STOX2: variants seen among roughly 807,000 people sequenced by gnomAD.
STOX2 encodes storkhead box 2.
Under a neutral mutation model 60.9 loss-of-function variants are expected in STOX2, and 28 were observed. The ratio of observed to expected loss-of-function variants is 0.46; its 90% CI spans 0.34 to 0.63. The LOEUF (loss-of-function observed/expected upper bound fraction) is 0.63, where lower values mean the gene tolerates loss of function less well. Among genes scored for constraint, STOX2 ranks in the 30% least tolerant of loss-of-function variants. The pLI is 0.01. For synonymous variants in STOX2, 472 were observed against 463.9 expected, an observed-to-expected ratio of 1.02 and a Z score of -0.22; for missense variants, 1,024 against 1,187.7, an observed-to-expected ratio of 0.86 and a Z score of 2.03.
chr4:184,004,371 G>A (rs1051816654), intron 2 of STOX2, among the ~76,000 whole-genome samples: 2 of 152,204 alleles, frequency 1.3e-5, no homozygotes, highest in East Asian at 1.9e-4. Context: ...AGGCCGAGGC[G>A]GGCGGATCAC....
At chr4:183,969,056 G>A (rs1169392147) in intron 1 of STOX2, among the ~76,000 whole-genome samples, 2 of 152,304 alleles carry the variant, frequency 1.3e-5, no homozygotes, top group East Asian at 3.9e-4. Flanking sequence ...ATGAGGTGTG[G>A]AACTTTAAAG....
intron 1 of STOX2, among the ~76,000 whole-genome samples, chr4:183,847,076 A>AG (rs1740006393): frequency 6.6e-6 from 1 of 152,218 alleles, no homozygotes; most frequent in Non-Finnish European, 1.5e-5. Context: ...AACAGAAAAA[A>AG]GAATCAGAGA....
rs188672306 is a variant in STOX2, at chr4:183,819,427, C to G, written c.364+21372C>G. Among the ~76,000 whole-genome samples the G allele has an allele frequency of 1.8e-3, 270 of 151,964 alleles. 1 individual carries two copies. Among genetic ancestry groups the G allele is most frequent in the Non-Finnish European group, 3.2e-3 (216 of 67,956 alleles). On this transcript the variant is annotated intron_variant, in intron 1 of 2. Transcript: ENST00000513034. ...AGGCATGGCGGCGCGCGCCCACAAT[C>G]GCAGGCACTGGGCAGGTTGAGGCAG...
chr4:183,907,628 A>C lies in STOX2; in HGVS notation c.166+672A>C, dbSNP rs201781374. The stretch of plus-strand genomic sequence containing the variant: ...GACAGGAGGGACAAACAAAACGGTA[A>C]ATGGAAAGGGAAGGCTTCAAAAAAG... On this transcript the variant is annotated intron_variant, in intron 1 of 3. Coordinates refer to ENST00000308497, the MANE Select transcript of STOX2 (RefSeq NM_020225.3). Among the ~76,000 whole-genome samples the C allele has an allele frequency of 5.3e-5, 8 of 152,296 alleles. No individual in the cohort carries two copies. In the East Asian group the frequency reaches 1.2e-3, roughly 22 times the overall value.
At chr4:183,877,554 G>T (rs746267057) in intron 1 of STOX2, among the ~76,000 whole-genome samples, 1 of 152,206 alleles carries the variant, frequency 6.6e-6, no homozygotes, top group African/African-American at 2.4e-5. Flanking sequence ...TGCATGCTCT[G>T]TATGCGTGCT....
chr4:183,862,332 C>A (rs1286200589), intron 1 of STOX2, among the ~76,000 whole-genome samples: 3 of 152,116 alleles, frequency 2.0e-5, no homozygotes, highest in Non-Finnish European at 4.4e-5. Context: ...CATGCCATCA[C>A]CCCTAGCTAA....
chr4:183,959,328 C>T (rs1411965936), intron 1 of STOX2, among the ~76,000 whole-genome samples: 1 of 151,874 alleles, frequency 6.6e-6, no homozygotes, highest in East Asian at 1.9e-4. Flanking sequence ...TAACTCAGGG[C>T]GGAAGGGGGG....
chr4:183,908,595 T>TTTTG (rs1553973322), intron 1 of STOX2, among the ~76,000 whole-genome samples: 3 of 148,070 alleles, frequency 2.0e-5, no homozygotes, highest in Non-Finnish European at 4.5e-5. Flanking sequence ...GCAGCCAGTT[T>TTTTG]TTTTTTTTTT....
At chr4:183,973,067 GA>G (rs11335791) in intron 1 of STOX2, among the ~76,000 whole-genome samples, 9,975 of 149,880 alleles carry the variant, frequency 0.067, 481 homozygotes, top group African/African-American at 0.14. Context: ...GAAAAAGATT[GA>G]AAAAAAAATA....
intron 1 of STOX2, among the ~76,000 whole-genome samples, chr4:183,850,819 G>GGAAAGGTTGAGA (rs1740100495): frequency 4.0e-5 from 6 of 151,574 alleles, no homozygotes; most frequent in Admixed American, 1.3e-4. Context: ...AAAGGATGAG[G>GGAAAGGTTGAGA]GAAAGGATGA....
At chr4:183,962,075 T>C (rs1185871757) in intron 1 of STOX2, among the ~76,000 whole-genome samples, 2 of 152,378 alleles carry the variant, frequency 1.3e-5, no homozygotes, top group East Asian at 3.9e-4. Context: ...TTCATTTCTC[T>C]GGCAGATGGG....
At chr4:183,884,465 C>T (rs905763292) in intron 1 of STOX2, among the ~76,000 whole-genome samples, 3 of 152,122 alleles carry the variant, frequency 2.0e-5, no homozygotes, top group Non-Finnish European at 2.9e-5. Flanking sequence ...TGGTGAGACC[C>T]TGTCTCTGTT....
chr4:183,861,727 GC>G (rs1177804435), intron 1 of STOX2, among the ~76,000 whole-genome samples: 1 of 152,192 alleles, frequency 6.6e-6, no homozygotes. Context: ...GCCTCGCAGG[GC>G]GTAGGGCTCA....
intron 1 of STOX2, among the ~76,000 whole-genome samples, chr4:183,951,242 A>G (rs1453531822): frequency 6.7e-6 from 1 of 148,286 alleles, no homozygotes. Context: ...AAAAAAAGAC[A>G]GTAGTGCAAA....
intron 1 of STOX2, among the ~76,000 whole-genome samples, chr4:183,849,849 C>T (rs1740074397): frequency 6.6e-6 from 1 of 152,192 alleles, no homozygotes; most frequent in Non-Finnish European, 1.5e-5. Context: ...TTTTATTGCC[C>T]CATGATTTTT....
In STOX2 at chr4:184,016,954, G is replaced by T; in HGVS notation, c.2586-135G>T. On this transcript the variant is annotated intron_variant, in intron 3 of 3. Transcript: ENST00000308497. ...GAGAGGCAGATGTGAATAATCAGTCGAGATGTATATTGATATGACATTATG... is the reference window on the plus strand; with the variant it reads ...GAGAGGCAGATGTGAATAATCAGTCTAGATGTATATTGATATGACATTATG... The T allele has an allele frequency of 4.3e-6, 3 of 693,616 alleles. No individual in the cohort carries two copies. In the South Asian group the frequency reaches 6.5e-5, roughly 15 times the overall value. The allele number at this position is 693,616 out of a possible 1,614,324, so 43.0% of individuals were successfully genotyped here.
At chr4:183,880,904 T>C (rs550208257) in intron 1 of STOX2, among the ~76,000 whole-genome samples, 8 of 152,274 alleles carry the variant, frequency 5.3e-5, no homozygotes, top group African/African-American at 1.9e-4. Flanking sequence ...AAGGAGGAAA[T>C]TTTTTCAAGA....
chr4:183,868,326 C>T (rs1415659044), intron 1 of STOX2, among the ~76,000 whole-genome samples: 11 of 151,694 alleles, frequency 7.3e-5, no homozygotes, highest in Non-Finnish European at 7.4e-5. Flanking sequence ...TGTGGGAGGC[C>T]GAGGAGGGAG....
chr4:183,841,049 GTAGAGA>G (rs1372783173), intron 1 of STOX2, among the ~76,000 whole-genome samples: 1 of 152,112 alleles, frequency 6.6e-6, no homozygotes, highest in African/African-American at 2.4e-5. Flanking sequence ...TGTATTTTTA[GTAGAGA>G]TAGGGTTTCA....
Sources: gnomAD v4.1 joint callset for allele counts (sites outside exome capture counted in the v4.1 genomes callset) on GRCh38, gnomAD v4.1.1 for gene constraint, MANE v1.5 for transcripts, NCBI Gene and HGNC (gene_info 2026-07-23, HGNC 2026-07-21) for gene names.